Variants in PHF14 observed in about 807,000 individuals in gnomAD.
PHF14 encodes the protein PHD finger protein 14.
Under a neutral mutation model 117.9 loss-of-function variants are expected in PHF14, and 55 were observed. That is an observed-to-expected ratio of 0.47 (90% confidence interval 0.38 to 0.58). The LOEUF (loss-of-function observed/expected upper bound fraction) is 0.58. PHF14 is among the 20% of genes least tolerant of loss of function. PHF14 has a pLI of 0.00. For missense variants in PHF14, 978 were observed against 1,122.2 expected (o/e 0.87, Z 1.84); for synonymous variants, 409 against 368.6 (o/e 1.11, Z -1.26).
At chr7:10,991,386 C>G (rs914572180) in intron 4 of PHF14, among the ~76,000 whole-genome samples, 2 of 152,064 alleles carry the variant, frequency 1.3e-5, no homozygotes, top group African/African-American at 4.8e-5. Context: ...CCATATTGGT[C>G]AGGCTGGTCT....
chr7:11,089,463 G>A (rs956100677), intron 16 of PHF14, among the ~76,000 whole-genome samples: 4 of 152,142 alleles, frequency 2.6e-5, no homozygotes, highest in African/African-American at 9.7e-5. Flanking sequence ...GGCAGAGGTG[G>A]GAGGATGGCT....
intron 4 of PHF14, among the ~76,000 whole-genome samples, chr7:10,995,683 C>T (rs1012113980): frequency 5.9e-5 from 9 of 152,192 alleles, no homozygotes; most frequent in East Asian, 1.9e-4. Flanking sequence ...CTGCAGGTTC[C>T]GAGCCCTGCC....
At chr7:11,072,813 C>G (rs1037573121) in intron 16 of PHF14, among the ~76,000 whole-genome samples, 1 of 152,172 alleles carries the variant, frequency 6.6e-6, no homozygotes, top group African/African-American at 2.4e-5. Flanking sequence ...TCTCAGGAAA[C>G]TTACAATCAT....
In PHF14 at chr7:11,130,252, G is replaced by A. The variant is rs1024758835; in HGVS notation, c.2772+18785G>A. On this transcript the variant is annotated intron_variant, in intron 17 of 17. Transcript: ENST00000634607. The surrounding 1 kb of genome is among the most constrained non-coding windows in gnomAD (Gnocchi z 4.2). ...CTCCAGGCCACATTCCTCAGATGAC[G>A]CAGTCAAACCTAACTTTAAGAAGCC... Among the ~76,000 whole-genome samples, 1 of 151,936 alleles carries A rather than the reference G, an allele frequency of 6.6e-6. No homozygotes were observed. Among genetic ancestry groups the A allele is most frequent in the Non-Finnish European group, 1.5e-5 (1 of 67,934 alleles).
intron 17 of PHF14, among the ~76,000 whole-genome samples, chr7:11,125,115 C>T (rs183011021): frequency 2.0e-4 from 30 of 152,094 alleles, no homozygotes; most frequent in African/African-American, 7.0e-4. Flanking sequence ...TTTATGTAGA[C>T]ACAGCAGAAA....
At chr7:11,135,971 G>A (rs917389874) in intron 17 of PHF14, among the ~76,000 whole-genome samples, 3 of 152,004 alleles carry the variant, frequency 2.0e-5, no homozygotes, top group African/African-American at 2.4e-5. Context: ...GACATTCCTC[G>A]TTAAAGTTAA....
intron 16 of PHF14, among the ~76,000 whole-genome samples, chr7:11,065,652 A>G (rs1785398525): frequency 6.6e-6 from 1 of 152,186 alleles, no homozygotes. Flanking sequence ...ATTTGAGAAT[A>G]AATGATTAAT....
At chr7:11,107,064 T>C in intron 16 of PHF14, 1 of 983,704 alleles carries the variant, frequency 1.0e-6, no homozygotes, top group Non-Finnish European at 1.2e-6. Context: ...GTGCACTTAA[T>C]TGTTTCAGTT....
At chr7:11,072,258 T>C (rs992827956) in intron 16 of PHF14, among the ~76,000 whole-genome samples, 3 of 152,120 alleles carry the variant, frequency 2.0e-5, no homozygotes, top group African/African-American at 7.2e-5. Context: ...AGAGATGCTG[T>C]ATACTTTTAA....
intron 16 of PHF14, chr7:11,103,483 A>C (rs758508132): frequency 3.7e-4 from 361 of 984,048 alleles, no homozygotes; most frequent in Non-Finnish European, 4.1e-4. Context: ...TTGATCTTCA[A>C]GCTTTAATGA....
chr7:11,056,813 T>A (rs1187571612), intron 14 of PHF14, among the ~76,000 whole-genome samples: 1 of 148,770 alleles, frequency 6.7e-6, no homozygotes, highest in African/African-American at 2.4e-5. Flanking sequence ...AGGAATTAAA[T>A]ATATATTATA....
intron 16 of PHF14, chr7:11,063,658 T>G: frequency 3.1e-6 from 3 of 970,344 alleles, no homozygotes; most frequent in Non-Finnish European, 3.7e-6. Flanking sequence ...AGGTTTTTAT[T>G]AGGTTTTTTG....
Position 11,130,625 on chromosome 7 carries a change from T to TTC in PHF14, c.2772+19159_2772+19160dup, listed in dbSNP as rs1370261902. ...TAGTTTCCTCTGTTACCATCTTGCA[T>TTC]TCATGTGGTACATTTGTTAAAAATT... On this transcript the variant is annotated intron_variant, in intron 17 of 17. Transcript: ENST00000634607. This position sits in a 1 kb window ranked among gnomAD's most constrained non-coding sequence, Gnocchi z 4.2. Among the ~76,000 whole-genome samples the TTC allele has an allele frequency of 2.0e-4, 31 of 152,136 alleles. No individual in the cohort carries two copies. Among genetic ancestry groups the TTC allele is most frequent in the African/African-American group, 6.0e-4 (25 of 41,550 alleles).
intron 16 of PHF14, among the ~76,000 whole-genome samples, chr7:11,081,143 C>T (rs1291501481): frequency 6.6e-6 from 1 of 151,900 alleles, no homozygotes; most frequent in Non-Finnish European, 1.5e-5. Context: ...GAAGTACTTG[C>T]AAGAAATGTG....
chr7:11,077,016 A>G (rs556575511), intron 16 of PHF14, among the ~76,000 whole-genome samples: 1 of 151,818 alleles, frequency 6.6e-6, no homozygotes, highest in Admixed American at 6.6e-5. Flanking sequence ...GCCATGTGTC[A>G]TGTTTAATTC....
chr7:10,975,577 C>T (rs1781833614), intron 2 of PHF14, among the ~76,000 whole-genome samples: 2 of 152,066 alleles, frequency 1.3e-5, no homozygotes, highest in South Asian at 4.2e-4. Context: ...GTATGATTTT[C>T]CTTTGTATTT....
At chr7:11,120,496 A>C (rs1268797215) in intron 17 of PHF14, among the ~76,000 whole-genome samples, 1 of 152,070 alleles carries the variant, frequency 6.6e-6, no homozygotes, top group Non-Finnish European at 1.5e-5. Context: ...AGAGTTTCAC[A>C]CTAAACAGGG....
chr7:11,164,519 T>C (rs1221900354), intron 17 of PHF14, among the ~76,000 whole-genome samples: 1 of 152,206 alleles, frequency 6.6e-6, no homozygotes, highest in Non-Finnish European at 1.5e-5. Context: ...TACAGGTGCC[T>C]TGCATTTGTT....
chr7:11,139,871 T>G (rs557175860), intron 17 of PHF14, among the ~76,000 whole-genome samples: 1 of 152,280 alleles, frequency 6.6e-6, no homozygotes, highest in African/African-American at 2.4e-5. Flanking sequence ...CTAATAATAT[T>G]CTAATGCATC....
Sources: allele counts gnomAD v4.1 joint callset (sites outside exome capture counted in the v4.1 genomes callset), GRCh38; gene constraint gnomAD v4.1.1; non-coding constraint Gnocchi (gnomAD v3.1); transcripts MANE v1.5; gene names NCBI Gene and HGNC (gene_info 2026-07-23, HGNC 2026-07-21).